FILIP1L: variants seen among roughly 807,000 people sequenced by gnomAD.
FILIP1L encodes filamin A interacting protein 1 like, also known as filamin A-interacting protein 1-like.
Under a neutral mutation model 96.6 loss-of-function variants are expected in FILIP1L, and 55 were observed. That is an observed-to-expected ratio of 0.57 (90% CI 0.46 to 0.71). FILIP1L has a LOEUF of 0.71. FILIP1L is among the 30% of genes least tolerant of loss of function. The pLI is 0.00. For missense variants in FILIP1L, 1,304 were observed against 1,321.2 expected, an observed-to-expected ratio of 0.99 and a Z score of 0.20; for synonymous variants, 467 against 473.9, an observed-to-expected ratio of 0.99 and a Z score of 0.19.
intron 4 of FILIP1L, among the ~76,000 whole-genome samples, chr3:99,888,094 G>T (rs1380326574): frequency 6.6e-6 from 1 of 152,208 alleles, no homozygotes; most frequent in Admixed American, 6.5e-5. Context: ...GACAATTGGT[G>T]ATGTGGAGCA....
chr3:99,931,164 A>G, intron 1 of FILIP1L, 134 bp from the exon 2 acceptor site: 1 of 694,136 alleles, frequency 1.4e-6, no homozygotes, highest in South Asian at 1.9e-5. Flanking sequence ...TGATGTCTAC[A>G]GCAGAGAAGG....
intron 1 of FILIP1L, among the ~76,000 whole-genome samples, chr3:99,943,671 T>G (rs1034175450): frequency 1.3e-5 from 2 of 151,782 alleles, no homozygotes; most frequent in Non-Finnish European, 2.9e-5. Flanking sequence ...GCCACTGCAC[T>G]CCAGCCTGGG....
rs188812104 is a variant in FILIP1L at position 100,036,881 on chromosome 3, A to G, written c.-11+77172T>C. 2.0e-5 allele frequency among the ~76,000 whole-genome samples: 3 copies of G among 152,164 alleles called. No individual in the cohort carries two copies. In the South Asian group the frequency reaches 6.2e-4, roughly 31 times the overall value. On this transcript the variant is annotated intron_variant, in intron 1 of 5. Transcript: ENST00000477258. Reference sequence around the variant, plus strand: ...TATTACGCAGTGAGAAAGATACGTTATTTCTGTGGTATTCCTGCCCCAAAT... The same window carrying G: ...TATTACGCAGTGAGAAAGATACGTTGTTTCTGTGGTATTCCTGCCCCAAAT...
At position 99,916,459 on chromosome 3, in the gene FILIP1L, CACACACACA is replaced by C. The variant is rs1409444395; in HGVS notation, c.605+7762_605+7770del. Among the ~76,000 whole-genome samples, 11 of 151,448 alleles carry C rather than the reference CACACACACA, an allele frequency of 7.3e-5. No individual in the cohort carries two copies. The East Asian group carries it at 2.1e-3, about 29-fold the overall frequency. On this transcript the variant is annotated intron_variant, in intron 4 of 5. Transcript: ENST00000477258. ...TTATACACACACACACACACACACA[CACACACACA>C]CACACACACACACACACGTTCTGTT...
rs191978362 is a variant in FILIP1L at position 99,921,107 on chromosome 3, T to C, written c.605+3123A>G. ...GAGGAAGGAAGTAAACATTGTTCTT[T>C]GACCCTTCAGGATAAGTTAGTCTCA... On this transcript the variant is annotated intron_variant, in intron 4 of 5. Coordinates refer to ENST00000477258, the MANE Select transcript of FILIP1L (RefSeq NM_001387850.1). 3.1e-3 allele frequency among the ~76,000 whole-genome samples: 471 copies of C among 152,300 alleles called. 4 individuals are homozygous for C. Among genetic ancestry groups the C allele is most frequent in the African/African-American group, 0.011 (445 of 41,580 alleles).
intron 1 of FILIP1L, among the ~76,000 whole-genome samples, chr3:100,059,403 G>A (rs773563240): frequency 6.6e-6 from 1 of 152,134 alleles, no homozygotes; most frequent in South Asian, 2.1e-4. Flanking sequence ...CCTCATCTCC[G>A]TGATCATCAC....
intron 1 of FILIP1L, among the ~76,000 whole-genome samples, chr3:100,015,955 G>A (rs138501334): frequency 6.6e-6 from 1 of 152,176 alleles, no homozygotes; most frequent in East Asian, 1.9e-4. Context: ...TTCACAAAAA[G>A]ACAGATTGCC....
At chr3:99,887,515 A>G (rs1329029831) in intron 4 of FILIP1L, among the ~76,000 whole-genome samples, 1 of 152,204 alleles carries the variant, frequency 6.6e-6, no homozygotes, top group Non-Finnish European at 1.5e-5. Flanking sequence ...CAGGCTACGA[A>G]TAGGTCTTAA....
intron 4 of FILIP1L, among the ~76,000 whole-genome samples, chr3:99,906,470 T>G (rs1011294111): frequency 6.6e-6 from 1 of 152,244 alleles, no homozygotes; most frequent in Non-Finnish European, 1.5e-5. Flanking sequence ...TCTCCCAATC[T>G]GTAACTTGCC....
At chr3:100,010,038 A>C (rs975489804) in intron 1 of FILIP1L, 1 of 208,662 alleles carries the variant, frequency 4.8e-6, no homozygotes, top group Non-Finnish European at 8.3e-6. Context: ...TCAGTTGTTA[A>C]GATATCTACC....
At chr3:99,915,203 A>G (rs1447370979) in intron 4 of FILIP1L, among the ~76,000 whole-genome samples, 2 of 152,218 alleles carry the variant, frequency 1.3e-5, no homozygotes, top group African/African-American at 2.4e-5. Context: ...ACCGAAGGGA[A>G]TGAATCCAGA....
intron 1 of FILIP1L, among the ~76,000 whole-genome samples, chr3:100,064,302 T>C (rs1190110142): frequency 6.6e-6 from 1 of 152,226 alleles, no homozygotes; most frequent in Non-Finnish European, 1.5e-5. Flanking sequence ...ACAAAACTTC[T>C]GACGATTTCC....
chr3:100,075,122 G>T (rs1227351786), intron 1 of FILIP1L, among the ~76,000 whole-genome samples: 1 of 151,942 alleles, frequency 6.6e-6, no homozygotes, highest in Non-Finnish European at 1.5e-5. Flanking sequence ...TTATCCTGGG[G>T]TCAAACCCAG....
chr3:99,946,092 A>G lies in FILIP1L; in HGVS notation c.-10-15062T>C, dbSNP rs552422191. On this transcript the variant is annotated intron_variant, in intron 1 of 5. Coordinates refer to ENST00000477258, the MANE Select transcript of FILIP1L (RefSeq NM_001387850.1). ...TGGTTCATCAGATAATATATGCTTT[A>G]TGATAGTCATTCTCAACCTGTAAGC... is the stretch of plus-strand genomic sequence containing the variant. 1.4e-4 allele frequency among the ~76,000 whole-genome samples: 21 copies of G among 152,352 alleles called. No homozygotes were observed. In the South Asian group the frequency reaches 4.3e-3, roughly 32 times the overall value.
chr3:99,899,461 A>G (rs1381493804), intron 4 of FILIP1L, among the ~76,000 whole-genome samples: 2 of 152,242 alleles, frequency 1.3e-5, no homozygotes, highest in African/African-American at 4.8e-5. Context: ...AAAGTTTTCC[A>G]TGAATTATAT....
chr3:99,959,741 C>T (rs1379713931), intron 1 of FILIP1L, among the ~76,000 whole-genome samples: 1 of 152,156 alleles, frequency 6.6e-6, no homozygotes, highest in African/African-American at 2.4e-5. Context: ...ACTGGATTAT[C>T]ACATTAGCTC....
At chr3:100,037,433 A>T (rs2065126694) in intron 1 of FILIP1L, among the ~76,000 whole-genome samples, 1 of 152,148 alleles carries the variant, frequency 6.6e-6, no homozygotes, top group Non-Finnish European at 1.5e-5. Flanking sequence ...TTAACAAAAG[A>T]TTAAAACAAA....
intron 1 of FILIP1L, among the ~76,000 whole-genome samples, chr3:99,932,359 A>C (rs1243953484): frequency 6.6e-6 from 1 of 152,082 alleles, no homozygotes; most frequent in African/African-American, 2.4e-5. Context: ...TTGCTTTTTC[A>C]TCCTAGATTA....
intron 4 of FILIP1L, among the ~76,000 whole-genome samples, chr3:99,860,615 G>C (rs550904072): frequency 6.6e-6 from 1 of 152,294 alleles, no homozygotes; most frequent in East Asian, 1.9e-4. Context: ...TTCATCTTGA[G>C]AACAAAGGAG....
Sources: allele counts gnomAD v4.1 joint callset (sites outside exome capture counted in the v4.1 genomes callset), GRCh38; gene constraint gnomAD v4.1.1; transcripts MANE v1.5; gene names NCBI Gene and HGNC (gene_info 2026-07-23, HGNC 2026-07-21).